Variants in PDIA5 observed in about 807,000 individuals in gnomAD.
PDIA5 encodes the protein protein disulfide-isomerase A5.
A neutral mutation model predicts 77.6 loss-of-function variants in PDIA5; 58 were observed. The observed-to-expected ratio is 0.75, with a 90% CI of 0.61 to 0.93. The LOEUF (loss-of-function observed/expected upper bound fraction) is 0.93, where lower values mean the gene tolerates loss of function less well. Ranked by LOEUF, PDIA5 falls within the 40% of genes least tolerant of loss-of-function variation. The probability of loss-of-function intolerance (pLI) is 0.00; values close to 1 mark genes in which losing one functional copy is unlikely to be tolerated. For synonymous variants in PDIA5, 250 were observed against 252.1 expected (o/e 0.99, Z 0.08); for missense variants, 630 against 647.7 (o/e 0.97, Z 0.30).
intron 1 of PDIA5, among the ~76,000 whole-genome samples, chr3:123,086,783 T>C (rs1319448075): frequency 1.3e-5 from 2 of 152,222 alleles, no homozygotes; most frequent in Non-Finnish European, 2.9e-5. Flanking sequence ...TATTTTTTGT[T>C]GTAGTGGAAG....
At chr3:123,142,358 A>T (rs115685789) in intron 11 of PDIA5, among the ~76,000 whole-genome samples, 1,833 of 152,308 alleles carry the variant, frequency 0.012, 38 homozygotes, top group African/African-American at 0.041. Flanking sequence ...ATTGTTTCTG[A>T]GGGGAAAACA....
chr3:123,135,096 G>A (rs112078000), intron 11 of PDIA5, among the ~76,000 whole-genome samples: 8 of 152,322 alleles, frequency 5.3e-5, no homozygotes, highest in Non-Finnish European at 7.3e-5. Flanking sequence ...GCTGCCACCC[G>A]TGGCACCTTT....
intron 1 of PDIA5, among the ~76,000 whole-genome samples, chr3:123,074,151 CT>C (rs974869437): frequency 5.3e-5 from 8 of 152,240 alleles, no homozygotes; most frequent in African/African-American, 1.9e-4. Flanking sequence ...ACAGATACTT[CT>C]TTTTTTTCCC....
intron 10 of PDIA5, among the ~76,000 whole-genome samples, chr3:123,124,828 T>G (rs1935204803): frequency 6.6e-6 from 1 of 152,240 alleles, no homozygotes; most frequent in Admixed American, 6.5e-5. Context: ...AGTTGAACAC[T>G]TATTTCAAAC....
chr3:123,161,234 C>T (rs1298626089), intron 15 of PDIA5, 87 bp from the exon 16 acceptor site: 3 of 1,395,488 alleles, frequency 2.1e-6, no homozygotes, highest in Admixed American at 2.1e-5. Flanking sequence ...GGGCCTGTGA[C>T]GTGGACTAGA....
chr3:123,157,514 G>A (rs1936047647), intron 15 of PDIA5, among the ~76,000 whole-genome samples: 1 of 152,206 alleles, frequency 6.6e-6, no homozygotes, highest in African/African-American at 2.4e-5. Context: ...GCGGGTCACT[G>A]ACAGCCAGAA....
rs118122986 is a variant in PDIA5 at position 123,156,030 on chromosome 3, C to G, written c.1344+989C>G. Among the ~76,000 whole-genome samples the G allele has an allele frequency of 3.2e-3, 489 of 152,020 alleles. 3 individuals are homozygous for G. Among genetic ancestry groups the G allele is most frequent in the African/African-American group, 0.011 (451 of 41,470 alleles). On this transcript the variant is annotated intron_variant, in intron 15 of 16. Transcript: ENST00000316218. The stretch of plus-strand genomic sequence containing the variant: ...CAGAGACAGATGACCATCCCAGGGC[C>G]GGGTGGGCAGGGTTTGAAGTTTTGA...
At chr3:123,160,795 AT>A (rs1156798798) in intron 15 of PDIA5, among the ~76,000 whole-genome samples, 1 of 152,140 alleles carries the variant, frequency 6.6e-6, no homozygotes, top group Non-Finnish European at 1.5e-5. Flanking sequence ...TACTATTATT[AT>A]CCCCATTTTA....
intron 10 of PDIA5, among the ~76,000 whole-genome samples, chr3:123,127,220 C>A (rs935928752): frequency 1.3e-5 from 2 of 152,136 alleles, no homozygotes; most frequent in African/African-American, 4.8e-5. Context: ...GAGCCTGGAA[C>A]AATTGCTCTC....
intron 10 of PDIA5, among the ~76,000 whole-genome samples, chr3:123,125,111 G>A (rs1055192865): frequency 1.3e-5 from 2 of 152,090 alleles, no homozygotes; most frequent in East Asian, 1.9e-4. Flanking sequence ...ACAGGCTCAC[G>A]ATGTCCCCTT....
intron 10 of PDIA5, among the ~76,000 whole-genome samples, chr3:123,126,705 C>T (rs936911265): frequency 1.3e-5 from 2 of 152,220 alleles, no homozygotes; most frequent in African/African-American, 4.8e-5. Flanking sequence ...CTTAGCTGCT[C>T]AGGGCTTCTG....
At chr3:123,097,463 G>A (rs371658738) in intron 3 of PDIA5, among the ~76,000 whole-genome samples, 125 of 152,234 alleles carry the variant, frequency 8.2e-4, no homozygotes, top group African/African-American at 2.9e-3. Context: ...CTTGAGGCAC[G>A]TACCAAGGGA....
At chr3:123,123,033 G>A (rs1935156210) in intron 8 of PDIA5, among the ~76,000 whole-genome samples, 1 of 152,218 alleles carries the variant, frequency 6.6e-6, no homozygotes, top group South Asian at 2.1e-4. Flanking sequence ...CCAGTGCTTT[G>A]GGAGGTTGAA....
chr3:123,151,871 GCCCGCCTT>G lies in PDIA5; in HGVS notation c.1273+1510_1273+1517del, dbSNP rs1387749417. Among the ~76,000 whole-genome samples, 71 of 117,914 alleles carry G rather than the reference GCCCGCCTT, an allele frequency of 6.0e-4. 3 individuals carry two copies. The South Asian group carries it at 7.5e-3, about 12-fold the overall frequency. 77.4% of individuals were successfully genotyped at this position (117,914 alleles called of 152,430 possible). ...TTCCTTCCTGCCCTCCTTCCTTCCT[GCCCGCCTT>G]CCTGCCTGCCTTCCTTCCTGCCTGC... On this transcript the variant is annotated intron_variant, in intron 14 of 16. Transcript: ENST00000316218.
Position 123,155,003 on chromosome 3 carries a change from T to C in PDIA5, c.1306T>C (p.Phe436Leu). The stretch of plus-strand genomic sequence containing the variant: ...ACACTGTAAGAAGGTCATTCCGCAC[T>C]TTACTGCTACTGCTGATGCCTTCAA... ...CPHCKKVIPH[F>L]TATADAFKDD... Residue 436 changes from phenylalanine (F) to leucine (L), a missense_variant, in exon 15 of 17, where the codon TTT (phenylalanine) becomes CTT (leucine). Physicochemically the swap from Phe to Leu is conservative, Grantham distance 22. Coordinates refer to ENST00000316218, the MANE Select transcript of PDIA5 (RefSeq NM_006810.4). The C allele has an allele frequency of 1.9e-6, 3 of 1,612,984 alleles. No individual in the cohort carries two copies. The South Asian group carries it at 3.3e-5, about 18-fold the overall frequency.
At chr3:123,075,343 A>G (rs1210947681) in intron 1 of PDIA5, among the ~76,000 whole-genome samples, 1 of 152,126 alleles carries the variant, frequency 6.6e-6, no homozygotes, top group African/African-American at 2.4e-5. Flanking sequence ...GGGACCATAT[A>G]GGGTAGGAAG....
chr3:123,112,811 C>T (rs11718028), intron 7 of PDIA5, among the ~76,000 whole-genome samples: 2 of 152,064 alleles, frequency 1.3e-5, no homozygotes, highest in East Asian at 1.9e-4. Flanking sequence ...CCACCCACCT[C>T]GGCCTCCCAA....
chr3:123,082,837 C>T (rs573813382), intron 1 of PDIA5, among the ~76,000 whole-genome samples: 105 of 152,234 alleles, frequency 6.9e-4, no homozygotes, highest in African/African-American at 2.5e-3. Flanking sequence ...GGGGAGTTGA[C>T]ACTCAGAGGT....
intron 13 of PDIA5, among the ~76,000 whole-genome samples, chr3:123,148,165 T>C (rs1379555204): frequency 6.6e-6 from 1 of 152,210 alleles, no homozygotes; most frequent in African/African-American, 2.4e-5. Flanking sequence ...AGCCCCAGTT[T>C]CCTATCTGTA....
Sources: allele counts gnomAD v4.1 joint callset (sites outside exome capture counted in the v4.1 genomes callset), GRCh38; gene constraint gnomAD v4.1.1; transcripts MANE v1.5; gene names NCBI Gene and HGNC (gene_info 2026-07-23, HGNC 2026-07-21).